The following CDK20 variants were observed in gnomAD, a reference collection of about 807,000 sequenced individuals.
CDK20 encodes cyclin-dependent kinase 20.
CDK20 carries 40 observed loss-of-function variants against 38.6 expected under a neutral mutation model. That is an observed-to-expected ratio of 1.04 (90% CI 0.81 to 1.35). The LOEUF is 1.35. CDK20 is among the 40% of genes most tolerant of loss of function. The pLI is 0.00. For synonymous variants in CDK20, 209 were observed against 185.7 expected (o/e 1.13, Z -1.02); for missense variants, 512 against 452.6 (o/e 1.13, Z -1.19).
At chr9:87,970,699 C>G (rs1208918295) in intron 4 of CDK20, 69 bp from the exon 5 acceptor site, 5 of 1,612,510 alleles carry the variant, frequency 3.1e-6, no homozygotes, top group South Asian at 1.1e-5. Flanking sequence ...CCCAGCCCCA[C>G]AAGCAATGTC....
rs1393033093 is a variant in CDK20 at position 87,967,329 on chromosome 9, C to G, written c.*133G>C. The G allele has an allele frequency of 1.1e-6, 1 of 891,606 alleles. No homozygotes were observed. The highest frequency in any genetic ancestry group is 1.6e-5 in the African/African-American group (1 of 60,650). The allele number at this position is 891,606 out of a possible 1,614,324, so 55.2% of individuals were successfully genotyped here. ...GCCTCGAGACCAACCCTCGCAAGGG[C>G]TAAGGGGCAGGGTGTGGTGTGGGCC... On this transcript the variant is annotated 3_prime_UTR_variant, in exon 8 of 8. Coordinates refer to ENST00000325303, the MANE Select transcript of CDK20 (RefSeq NM_001039803.3).
In CDK20 at chr9:87,967,534, G is replaced by C. The variant is rs755195947; in HGVS notation, c.969C>G (p.Phe323Leu). The change falls in exon 8 of 8, where the codon TTC becomes TTG. Residue 323 changes from phenylalanine to leucine, a missense_variant. Coordinates refer to ENST00000325303, the MANE Select transcript of CDK20 (RefSeq NM_001039803.3). ...ACTCCTCAAGAGGCCGGTCCACGTGGAAGTCATGGATGTGGGGGGGCCCTG... is the reference window on the plus strand; with the variant it reads ...ACTCCTCAAGAGGCCGGTCCACGTGCAAGTCATGGATGTGGGGGGGCCCTG... ...AHPGPPHIHD[F>L]HVDRPLEESL... The C allele has an allele frequency of 1.5e-5, 24 of 1,554,948 alleles. No homozygotes were observed. Among genetic ancestry groups the C allele is most frequent in the Non-Finnish European group, 2.1e-5 (24 of 1,148,856 alleles).
chr9:87,974,295 CG>C, intron 1 of CDK20, 76 bp downstream of exon 1: 4 of 1,474,570 alleles, frequency 2.7e-6, no homozygotes, highest in Non-Finnish European at 3.7e-6. Context: ...AAAAGGGAAC[CG>C]AAACAGTTTA....
At chr9:87,974,137 GCTCGGC>G in intron 1 of CDK20, 102 bp from the exon 2 acceptor site, 1 of 1,578,414 alleles carries the variant, frequency 6.3e-7, no homozygotes, top group Non-Finnish European at 8.6e-7. Context: ...CGCGCCCCCG[GCTCGGC>G]CAGAGGCCCT....
In CDK20 at chr9:87,970,853, G is replaced by C. The variant is rs1354079068; in HGVS notation, c.423C>G (p.Leu141=). The C allele has an allele frequency of 2.5e-6, 4 of 1,614,076 alleles. No homozygotes were observed. Among genetic ancestry groups the C allele is most frequent in the Non-Finnish European group, 3.4e-6 (4 of 1,180,050 alleles). ...ANLLISASGQ[L]KIADFGLARV... is the part of the protein sequence containing the mutation. ...GAGCCAGGCCAAAGTCCGCTATCTT[G>C]AGCTGGCCTGAGGCGCTGATGAGCA... The change falls in exon 4 of 8, where the codon CTC becomes CTG. Residue 141 remains leucine, a synonymous_variant. Transcript: ENST00000325303.
In CDK20 at chr9:87,970,028, C is replaced by A. The variant is rs1829741214; in HGVS notation, c.564-109G>T. 3.0e-6 allele frequency: 4 copies of A among 1,313,598 alleles called. No homozygotes were observed. The South Asian group carries it at 4.9e-5, about 16-fold the overall frequency. 81.4% of individuals were successfully genotyped at this position (1,313,598 alleles called of 1,614,324 possible). On this transcript the variant is annotated intron_variant, in intron 5 of 7. Transcript: ENST00000325303. Reference sequence around the variant, plus strand: ...TCCAGGGCAAGGCCCCACAAGCCAGCCCTGGAGCCTCACGTCCAGAGGCCC... The same window carrying A: ...TCCAGGGCAAGGCCCCACAAGCCAGACCTGGAGCCTCACGTCCAGAGGCCC...
chr9:87,971,444 A>G, intron 2 of CDK20, 109 bp from the exon 3 acceptor site: 1 of 983,306 alleles, frequency 1.0e-6, no homozygotes, highest in South Asian at 1.6e-5. Flanking sequence ...CCAAAAAGAC[A>G]GTAAGCAAAG....
chr9:87,971,002 C>T, intron 3 of CDK20, 105 bp from the exon 4 acceptor site: 1 of 1,533,504 alleles, frequency 6.5e-7, no homozygotes. Context: ...GTCCCCACCT[C>T]CTCCAGGGCC....
chr9:87,968,874 C>T (rs923154396), intron 7 of CDK20: 3 of 368,088 alleles, frequency 8.2e-6, no homozygotes, highest in Non-Finnish European at 1.5e-5. Flanking sequence ...CCCAGTGACT[C>T]TCTTACTGTA....
intron 6 of CDK20, 43 bp from the exon 7 acceptor site, chr9:87,969,392 C>T (rs769079621): frequency 2.6e-5 from 42 of 1,598,626 alleles, no homozygotes; most frequent in East Asian, 4.5e-5. Context: ...GAGTAGTTCC[C>T]GACCCTTGCC....
At position 87,967,121 on chromosome 9, in the gene CDK20, C is replaced by G. The variant is rs536119533; in HGVS notation, c.*341G>C. 8.6e-6 allele frequency: 5 copies of G among 579,658 alleles called. No homozygotes were observed. Among genetic ancestry groups the G allele is most frequent in the East Asian group, 8.6e-5 (2 of 23,290 alleles). 35.9% of individuals were successfully genotyped at this position (579,658 alleles called of 1,614,324 possible). A position where few individuals can be genotyped will look rare whatever the true frequency, so the allele number is the denominator to read the frequency against. ...TTCTCCTTGACCAGGAGGCAGCACT[C>G]GGGGAAGCAGCACCAAGGCAGGCAT... On this transcript the variant is annotated 3_prime_UTR_variant, in exon 8 of 8. Coordinates refer to ENST00000325303, the MANE Select transcript of CDK20 (RefSeq NM_001039803.3).
chr9:87,969,276 AGCACCTCCTCCAGGGGCATGG>A lies in CDK20; in HGVS notation c.740_760del (p.Pro247_Val253del). ...CAATGCCTGGGGAGAGACGTCAGGC[AGCACCTCCTCCAGGGGCATGG>A]GCACCTGCTCCTTAAAGGAGATCTT... On this transcript the variant is annotated inframe_deletion, in exon 7 of 8. Coordinates refer to ENST00000325303, the MANE Select transcript of CDK20 (RefSeq NM_001039803.3). 1 of 1,614,016 alleles carries A rather than the reference AGCACCTCCTCCAGGGGCATGG, an allele frequency of 6.2e-7. No homozygotes were observed. Among genetic ancestry groups the A allele is most frequent in the Non-Finnish European group, 8.5e-7 (1 of 1,179,950 alleles).
Position 87,972,566 on chromosome 9 carries a change from AGAG to A in CDK20, c.190-1234_190-1232del, listed in dbSNP as rs1254562569. On this transcript the variant is annotated intron_variant, in intron 2 of 7. Transcript: ENST00000325303. ...CATGGTGATAGTGCTCTAAGTGTGA[AGAG>A]AAGCCACCAGGGCTTTTTACGCAGG... Among the ~76,000 whole-genome samples the A allele has an allele frequency of 2.0e-5, 3 of 152,196 alleles. No individual in the cohort carries two copies. The East Asian group carries it at 5.8e-4, about 29-fold the overall frequency.
chr9:87,973,293 C>G lies in CDK20; in HGVS notation c.189+629G>C, dbSNP rs73495224. On this transcript the variant is annotated intron_variant, in intron 2 of 7. Coordinates refer to ENST00000325303, the MANE Select transcript of CDK20 (RefSeq NM_001039803.3). ...TCCCGGTACCCTATCACAGCACGAA[C>G]CACACTAGGTGGGCCCTGTTGCCTC... 2.3e-3 allele frequency among the ~76,000 whole-genome samples: 347 copies of G among 152,266 alleles called. 1 individual carries two copies. The highest frequency in any genetic ancestry group is 7.6e-3 in the African/African-American group (317 of 41,562).
chr9:87,967,581 C>G lies in CDK20; in HGVS notation c.922G>C (p.Gly308Arg). 1 of 1,540,192 alleles carries G rather than the reference C, an allele frequency of 6.5e-7. No homozygotes were observed. Among genetic ancestry groups the G allele is most frequent in the South Asian group, 1.2e-5 (1 of 82,684 alleles). The change falls in exon 8 of 8, where the codon GGA (glycine) becomes CGA (arginine). Residue 308 changes from glycine to arginine, a missense_variant. By Grantham distance (125) the Gly-to-Arg change is moderately radical. Coordinates refer to ENST00000325303, the MANE Select transcript of CDK20 (RefSeq NM_001039803.3). ...SELPIPQRLG[G>R]PAPKAHPGPP... ...CCTGGATGGGCCTTGGGGGCAGGTC[C>G]CCCTAGACGCTGAGGAATCGGCAGC... is the stretch of plus-strand genomic sequence containing the variant.
rs139270796 is a variant in CDK20 at position 87,971,267 on chromosome 9, C to T, written c.258G>A (p.Ser86=). Residue 86 remains serine, a synonymous_variant, in exon 3 of 8, where the codon TCG becomes TCA. Transcript: ENST00000325303. ...CATGGCGCACCACCTCGGCCAGATC[C>T]GACAGCATGAACTCAAAGGCCAGCA... ...GFVLAFEFML[S]DLAEVVRHAQ... 6.0e-4 allele frequency: 964 copies of T among 1,614,044 alleles called. 10 individuals are homozygous for T. The African/African-American group carries it at 0.011, about 19-fold the overall frequency.
intron 2 of CDK20, among the ~76,000 whole-genome samples, chr9:87,973,482 G>A (rs984596089): frequency 6.6e-6 from 1 of 152,180 alleles, no homozygotes; most frequent in Non-Finnish European, 1.5e-5. Context: ...GAGGGCCCAA[G>A]AGCTGGTGAC....
intron 3 of CDK20, 96 bp from the exon 4 acceptor site, chr9:87,970,993 T>C (rs1829810321): frequency 1.9e-6 from 3 of 1,550,764 alleles, no homozygotes; most frequent in Non-Finnish European, 1.8e-6. Flanking sequence ...TCAGCCCCGG[T>C]CCCCACCTCC....
Position 87,967,465 on chromosome 9 carries a change from C to T in CDK20, c.1038G>A (p.Gly346=), listed in dbSNP as rs144686198. ...PELIRPFILE[G] ...AGACGGGACCAGGGCCAACTTCTCA[C>T]CCCTCCAGGATGAAGGGCCGAATCA... The change falls in exon 8 of 8, where the codon GGG becomes GGA. Residue 346 remains glycine (G), a synonymous_variant. Coordinates refer to ENST00000325303, the MANE Select transcript of CDK20 (RefSeq NM_001039803.3). 8.8e-5 allele frequency: 137 copies of T among 1,553,716 alleles called. 1 individual carries two copies. The African/African-American group carries it at 1.4e-3, about 15-fold the overall frequency.
Sources: allele counts gnomAD v4.1 joint callset (sites outside exome capture counted in the v4.1 genomes callset), GRCh38; gene constraint gnomAD v4.1.1; transcripts MANE v1.5; gene names NCBI Gene and HGNC (gene_info 2026-07-23, HGNC 2026-07-21).